NXPE2: variants seen among roughly 807,000 people sequenced by gnomAD.
The protein encoded by NXPE2 is NXPE family member 2.
Under a neutral mutation model 34.4 loss-of-function variants are expected in NXPE2, and 34 were observed. The observed-to-expected ratio is 0.99, with a 90% CI of 0.75 to 1.31. The LOEUF (loss-of-function observed/expected upper bound fraction) is 1.31. Ranked by LOEUF, NXPE2 falls within the 40% of genes most tolerant of loss-of-function variation. The pLI is 0.00. For synonymous variants in NXPE2, 235 were observed against 231.3 expected (o/e 1.02, Z -0.15); for missense variants, 649 against 672.5 (o/e 0.97, Z 0.39).
At chr11:114,626,104 C>A in the NXPE2 span, among the ~76,000 whole-genome samples, 1 of 152,090 alleles carries the variant, frequency 6.6e-6, no homozygotes, top group Admixed American at 6.5e-5. Flanking sequence ...GGGAGAGGGG[C>A]GCCCGCCATT....
chr11:114,717,969 G>A, the NXPE2 span, among the ~76,000 whole-genome samples: 1 of 152,170 alleles, frequency 6.6e-6, no homozygotes, highest in African/African-American at 2.4e-5. Context: ...TGTCTATCAC[G>A]GGAGAATGTC....
the NXPE2 span, among the ~76,000 whole-genome samples, chr11:114,725,020 A>T: frequency 3.2e-3 from 491 of 151,804 alleles, 1 homozygote; most frequent in Middle Eastern, 0.01. Flanking sequence ...ACCCAGGAGC[A>T]GCAGCGTTTG....
the NXPE2 span, among the ~76,000 whole-genome samples, chr11:114,726,980 G>C: frequency 2.3e-5 from 2 of 85,278 alleles, no homozygotes; most frequent in African/African-American, 7.7e-5. Flanking sequence ...CTTTCTTTCT[G>C]AGATCTCACC....
At chr11:114,502,417 A>G in the NXPE2 span, among the ~76,000 whole-genome samples, 1 of 152,088 alleles carries the variant, frequency 6.6e-6, no homozygotes, top group African/African-American at 2.4e-5. Context: ...TGAGTAATTT[A>G]TTCAGGTCTA....
chr11:114,736,489 G>A, the NXPE2 span, among the ~76,000 whole-genome samples: 1 of 152,044 alleles, frequency 6.6e-6, no homozygotes, highest in Admixed American at 6.6e-5. Context: ...CTGGCTCACT[G>A]GCAGTCAGAG....
chr11:114,601,767 A>G, the NXPE2 span, among the ~76,000 whole-genome samples: 1 of 73,574 alleles, frequency 1.4e-5, no homozygotes, highest in Non-Finnish European at 2.3e-5. Context: ...ATATGTGATT[A>G]TATATTATAA....
the NXPE2 span, among the ~76,000 whole-genome samples, chr11:114,716,851 T>C: frequency 6.6e-6 from 1 of 152,162 alleles, no homozygotes; most frequent in African/African-American, 2.4e-5. Context: ...TTTTTTCCAA[T>C]GACAAAGAAC....
the NXPE2 span, among the ~76,000 whole-genome samples, chr11:114,767,838 G>T: frequency 6.6e-6 from 1 of 152,114 alleles, no homozygotes; most frequent in East Asian, 1.9e-4. Flanking sequence ...ACATTCCACT[G>T]ATGTCTATGA....
At chr11:114,557,469 C>A in the NXPE2 span, among the ~76,000 whole-genome samples, 1 of 151,314 alleles carries the variant, frequency 6.6e-6, no homozygotes, top group African/African-American at 2.4e-5. Context: ...TATTTTATTT[C>A]TTTTAGAGAT....
At chr11:114,633,842 ATTATCT>A in the NXPE2 span, among the ~76,000 whole-genome samples, 1 of 151,972 alleles carries the variant, frequency 6.6e-6, no homozygotes, top group South Asian at 2.1e-4. Context: ...TATGTGCCAC[ATTATCT>A]TAATCCAGTC....
the NXPE2 span, among the ~76,000 whole-genome samples, chr11:114,640,114 TTA>T: frequency 9.3e-3 from 1,182 of 126,688 alleles, 16 homozygotes; most frequent in Non-Finnish European, 0.014. Context: ...ATATATTGTA[TTA>T]TGTTATATGT....
the NXPE2 span, among the ~76,000 whole-genome samples, chr11:114,642,217 C>G: frequency 6.6e-6 from 1 of 151,898 alleles, no homozygotes; most frequent in African/African-American, 2.4e-5. Flanking sequence ...TCCTTCTCCC[C>G]CAGTTCAAAA....
the NXPE2 span, among the ~76,000 whole-genome samples, chr11:114,487,434 T>A: frequency 6.6e-6 from 1 of 152,170 alleles, no homozygotes; most frequent in Non-Finnish European, 1.5e-5. Flanking sequence ...TCACATCATC[T>A]GCAAACAAGG....
At chr11:114,472,334 A>G in the NXPE2 span, among the ~76,000 whole-genome samples, 1 of 152,204 alleles carries the variant, frequency 6.6e-6, no homozygotes, top group East Asian at 1.9e-4. Flanking sequence ...ACTTTCAAAG[A>G]AGAATTGTCT....
chr11:114,505,114 G>C, the NXPE2 span, among the ~76,000 whole-genome samples: 291 of 152,184 alleles, frequency 1.9e-3, no homozygotes, highest in African/African-American at 6.8e-3. Flanking sequence ...AATAGACCAA[G>C]CAGAGGAAAC....
the NXPE2 span, among the ~76,000 whole-genome samples, chr11:114,764,342 A>G: frequency 6.6e-6 from 1 of 152,178 alleles, no homozygotes; most frequent in Non-Finnish European, 1.5e-5. Flanking sequence ...TCTAAAGGAA[A>G]GAGTCTTTGT....
At chr11:114,805,146 C>T in the NXPE2 span, among the ~76,000 whole-genome samples, 1 of 151,552 alleles carries the variant, frequency 6.6e-6, no homozygotes, top group Non-Finnish European at 1.5e-5. Context: ...ATCTCTCCCA[C>T]AGGCTAAACA....
the NXPE2 span, among the ~76,000 whole-genome samples, chr11:114,639,008 G>A: frequency 6.6e-6 from 1 of 151,990 alleles, no homozygotes; most frequent in Non-Finnish European, 1.5e-5. Flanking sequence ...TGTCAGACTG[G>A]GACATTTAAG....
the NXPE2 span, among the ~76,000 whole-genome samples, chr11:114,763,299 G>A: frequency 5.3e-5 from 8 of 152,034 alleles, no homozygotes; most frequent in African/African-American, 1.7e-4. Context: ...TTAATTTTTT[G>A]TTCTTTTTTT....
Sources: allele counts gnomAD v4.1 joint callset (sites outside exome capture counted in the v4.1 genomes callset), GRCh38; gene constraint gnomAD v4.1.1; transcripts MANE v1.5; gene names NCBI Gene and HGNC (gene_info 2026-07-23, HGNC 2026-07-21).